The following CCR3 variants were observed in gnomAD, a reference collection of about 807,000 sequenced individuals.
CCR3 encodes C-C motif chemokine receptor 3, also known as C-C chemokine receptor type 3.
For synonymous variants in CCR3, 203 were observed against 179.2 expected (o/e 1.13, Z -1.06); for missense variants, 419 against 437.5 (o/e 0.96, Z 0.38).
At chr3:46,239,933 A>G (rs1037831026), upstream of CCR3, among the ~76,000 whole-genome samples, 15 of 152,228 alleles carry the variant, frequency 9.9e-5, no homozygotes, top group Admixed American at 3.3e-4. Context: ...AAATCCTTCA[A>G]TAGCTCCCAC....
At chr3:46,252,231 A>G (rs1179097899) in intron 1 of CCR3, among the ~76,000 whole-genome samples, 1 of 122,616 alleles carries the variant, frequency 8.2e-6, no homozygotes, top group African/African-American at 3.2e-5. Flanking sequence ...ACTGGAGTGG[A>G]GTGGCACGAT....
At position 46,233,837 on chromosome 3, in the gene CCR3, G is replaced by A. The variant is rs962164709; in HGVS notation, c.-67-8565G>A. Among the ~76,000 whole-genome samples, 7 of 152,210 alleles carry A rather than the reference G, an allele frequency of 4.6e-5. No individual in the cohort carries two copies. In the East Asian group the frequency reaches 7.7e-4, roughly 17 times the overall value. Reference sequence around the variant, plus strand: ...CTTCTTCAGACGGCAGTACCATGCCGGAAAACAGAGCACCATGTGGCTAGC... The same window carrying A: ...CTTCTTCAGACGGCAGTACCATGCCAGAAAACAGAGCACCATGTGGCTAGC... On this transcript the variant is annotated intron_variant, in intron 2 of 3. Transcript: ENST00000357422.
chr3:46,243,338 A>T (rs1223566086), intron 1 of CCR3, among the ~76,000 whole-genome samples: 1 of 152,152 alleles, frequency 6.6e-6, no homozygotes, highest in Non-Finnish European at 1.5e-5. Context: ...GAATACACAA[A>T]TGTGGAACCC....
chr3:46,226,380 G>T (rs1330697177), intron 2 of CCR3, among the ~76,000 whole-genome samples: 1 of 152,096 alleles, frequency 6.6e-6, no homozygotes, highest in African/African-American at 2.4e-5. Context: ...GTAGTTTTCA[G>T]CATGCAAGTC....
At chr3:46,232,175 A>G (rs1446161195) in intron 2 of CCR3, among the ~76,000 whole-genome samples, 2 of 152,226 alleles carry the variant, frequency 1.3e-5, no homozygotes, top group Non-Finnish European at 2.9e-5. Context: ...AATGAGCAAA[A>G]TGAAACACAC....
chr3:46,229,914 C>T (rs751438105), intron 2 of CCR3, among the ~76,000 whole-genome samples: 6 of 152,084 alleles, frequency 3.9e-5, no homozygotes, highest in African/African-American at 7.2e-5. Context: ...CAAGTAAGAG[C>T]GTGGTCCCAG....
At chr3:46,215,552 G>A (rs1419241716) in intron 2 of CCR3, among the ~76,000 whole-genome samples, 1 of 152,234 alleles carries the variant, frequency 6.6e-6, no homozygotes, top group Non-Finnish European at 1.5e-5. Context: ...GGTTTACTGG[G>A]TGGGAGTCTG....
chr3:46,263,549 A>C (rs1225327602), intron 1 of CCR3: 1 of 153,258 alleles, frequency 6.5e-6, no homozygotes, highest in Non-Finnish European at 1.5e-5. Context: ...GAGATCAACA[A>C]GTTCCACCCA....
intron 2 of CCR3, among the ~76,000 whole-genome samples, chr3:46,211,933 C>T (rs1174105858): frequency 6.6e-6 from 1 of 152,116 alleles, no homozygotes; most frequent in Non-Finnish European, 1.5e-5. Context: ...AGATTCTAAC[C>T]TTGAGTTTGT....
At chr3:46,240,050 C>T (rs1036033311), upstream of CCR3, among the ~76,000 whole-genome samples, 1 of 152,196 alleles carries the variant, frequency 6.6e-6, no homozygotes, top group Non-Finnish European at 1.5e-5. Flanking sequence ...CTACCTCTGC[C>T]AGGCCCATGC....
chr3:46,257,824 G>A (rs1559537298), intron 1 of CCR3, among the ~76,000 whole-genome samples: 1 of 152,170 alleles, frequency 6.6e-6, no homozygotes, highest in Non-Finnish European at 1.5e-5. Context: ...CAGGTAGTGT[G>A]GCTCAGTGTA....
chr3:46,253,850 C>A (rs562207089), intron 1 of CCR3, among the ~76,000 whole-genome samples: 258 of 152,224 alleles, frequency 1.7e-3, no homozygotes, highest in Admixed American at 3.8e-3. Flanking sequence ...CAGTGGAATA[C>A]CATCTCGCTA....
intron 2 of CCR3, among the ~76,000 whole-genome samples, chr3:46,229,601 C>T (rs1318883368): frequency 6.6e-6 from 1 of 152,050 alleles, no homozygotes; most frequent in Admixed American, 6.5e-5. Flanking sequence ...CAAAGAATCT[C>T]TGGTTGGGGG....
At chr3:46,214,124 T>C (rs991743211) in intron 2 of CCR3, among the ~76,000 whole-genome samples, 1 of 152,224 alleles carries the variant, frequency 6.6e-6, no homozygotes, top group African/African-American at 2.4e-5. Flanking sequence ...CATTCCCCTC[T>C]TTTAGACATT....
chr3:46,263,818 T>C lies in CCR3; in HGVS notation c.-11-1330T>C, dbSNP rs576971232. 6.5e-5 allele frequency: 10 copies of C among 153,032 alleles called. 1 individual carries two copies. The highest frequency in any genetic ancestry group is 2.4e-4 in the African/African-American group (10 of 41,584). 9.5% of individuals were successfully genotyped at this position (153,032 alleles called of 1,614,324 possible). On this transcript the variant is annotated intron_variant, in intron 1 of 1. Transcript: ENST00000395940. ...GCTCCATTTCCATCTCTATTCTCAC[T>C]GACTTTGACTACCCAGAACCCCAAC... is the stretch of plus-strand genomic sequence containing the variant.
At chr3:46,215,282 T>A (rs1178274593) in intron 2 of CCR3, among the ~76,000 whole-genome samples, 1 of 152,038 alleles carries the variant, frequency 6.6e-6, no homozygotes, top group Non-Finnish European at 1.5e-5. Flanking sequence ...TCCTAAAAGT[T>A]GAGTTAGGTA....
At chr3:46,264,745 G>A (rs1483455823) in intron 1 of CCR3, 5 of 400,388 alleles carry the variant, frequency 1.2e-5, no homozygotes, top group African/African-American at 1.1e-4. Context: ...GATTTTTAAG[G>A]TATATGTAAA....
Position 46,266,295 on chromosome 3 carries a change from A to ACTCACCTCTAAAACAGT in CCR3, c.*71_*87dup. Reference sequence around the variant, plus strand: ...GAAGCAAACACATTAAGCCTTCCACACTCACCTCTAAAACAGTCCTTCAAA... The same window carrying ACTCACCTCTAAAACAGT: ...GAAGCAAACACATTAAGCCTTCCACACTCACCTCTAAAACAGTCTCACCTCTAAAACAGTCCTTCAAA... On this transcript the variant is annotated 3_prime_UTR_variant, in exon 2 of 2. Transcript: ENST00000395940. The ACTCACCTCTAAAACAGT allele has an allele frequency of 1.1e-6, 1 of 951,944 alleles. No homozygotes were observed. The allele number at this position is 951,944 out of a possible 1,614,324, so 59.0% of individuals were successfully genotyped here.
At position 46,266,247 on chromosome 3, in the gene CCR3, T is replaced by C. The variant is rs1700632794; in HGVS notation, c.*21T>C. The C allele has an allele frequency of 2.0e-6, 3 of 1,526,750 alleles. No individual in the cohort carries two copies. The South Asian group carries it at 3.5e-5, about 18-fold the overall frequency. 94.6% of individuals were successfully genotyped at this position (1,526,750 alleles called of 1,614,324 possible). On this transcript the variant is annotated 3_prime_UTR_variant, in exon 2 of 2. Transcript: ENST00000395940. Reference sequence around the variant, plus strand: ...TTTAGGTCAGATGCAGAAAATTGCCTAAAGAGGAAGGACCAAGGAGATGAA... The same window carrying C: ...TTTAGGTCAGATGCAGAAAATTGCCCAAAGAGGAAGGACCAAGGAGATGAA...
Sources: gnomAD v4.1 joint callset for allele counts (sites outside exome capture counted in the v4.1 genomes callset) on GRCh38, gnomAD v4.1.1 for gene constraint, MANE v1.5 for transcripts, NCBI Gene and HGNC (gene_info 2026-07-23, HGNC 2026-07-21) for gene names.